Variants in TEC observed in about 807,000 individuals in gnomAD.
TEC encodes tec protein tyrosine kinase, also known as tyrosine-protein kinase Tec.
A neutral mutation model predicts 93.0 loss-of-function variants in TEC; 72 were observed. The ratio of observed to expected loss-of-function variants is 0.77; its 90% CI spans 0.64 to 0.94. The LOEUF (loss-of-function observed/expected upper bound fraction) is 0.94. Among genes scored for constraint, TEC ranks in the 40% least tolerant of loss-of-function variants. The pLI is 0.00. For synonymous variants in TEC, 249 were observed against 247.7 expected, an observed-to-expected ratio of 1.01 and a Z score of -0.05; for missense variants, 630 against 757.9, an observed-to-expected ratio of 0.83 and a Z score of 1.98.
intron 1 of TEC, among the ~76,000 whole-genome samples, chr4:48,267,586 A>C (rs574918930): frequency 2.5e-4 from 38 of 152,310 alleles, no homozygotes; most frequent in South Asian, 8.3e-4. Flanking sequence ...TTATGATCGT[A>C]ATTAGTCCAA....
intron 1 of TEC, among the ~76,000 whole-genome samples, chr4:48,264,548 G>A (rs1022124388): frequency 2.0e-5 from 3 of 152,106 alleles, no homozygotes; most frequent in African/African-American, 7.2e-5. Flanking sequence ...CAGCCCAAGA[G>A]GTAACGACCA....
At chr4:48,245,226 G>A (rs1240925777) in intron 1 of TEC, among the ~76,000 whole-genome samples, 1 of 151,498 alleles carries the variant, frequency 6.6e-6, no homozygotes, top group Non-Finnish European at 1.5e-5. Context: ...CAGGGAGTCG[G>A]AGGTTGCAGT....
At chr4:48,148,094 G>T (rs1719993899) in intron 11 of TEC, among the ~76,000 whole-genome samples, 1 of 152,034 alleles carries the variant, frequency 6.6e-6, no homozygotes, top group South Asian at 2.1e-4. Context: ...TGGTGAAGGG[G>T]GATGGGATGA....
chr4:48,205,330 A>C (rs1049116047), intron 2 of TEC, among the ~76,000 whole-genome samples: 1 of 152,132 alleles, frequency 6.6e-6, no homozygotes, highest in Non-Finnish European at 1.5e-5. Context: ...ATGACAGCTC[A>C]TGAGAGCCCA....
chr4:48,223,731 G>C (rs1462170854), intron 2 of TEC, among the ~76,000 whole-genome samples: 1 of 152,198 alleles, frequency 6.6e-6, no homozygotes, highest in Non-Finnish European at 1.5e-5. Flanking sequence ...CTGGCATCTG[G>C]GAACTTGGAC....
intron 4 of TEC, 25 bp downstream of exon 4, chr4:48,171,343 A>T: frequency 2.5e-6 from 4 of 1,576,428 alleles, no homozygotes; most frequent in Non-Finnish European, 3.5e-6. Flanking sequence ...AATTATATAC[A>T]GAGTAATATT....
At chr4:48,184,176 C>T (rs1232825718) in intron 2 of TEC, among the ~76,000 whole-genome samples, 3 of 152,140 alleles carry the variant, frequency 2.0e-5, no homozygotes, top group Non-Finnish European at 4.4e-5. Flanking sequence ...TACTGTCACC[C>T]CCATTTTGCA....
At chr4:48,248,645 G>T (rs1386053948) in intron 1 of TEC, among the ~76,000 whole-genome samples, 1 of 152,206 alleles carries the variant, frequency 6.6e-6, no homozygotes, top group African/African-American at 2.4e-5. Flanking sequence ...GGGCCTAGGG[G>T]TCAGTTTGTA....
At chr4:48,229,570 G>A (rs1723586721) in intron 1 of TEC, among the ~76,000 whole-genome samples, 1 of 151,468 alleles carries the variant, frequency 6.6e-6, no homozygotes, top group Non-Finnish European at 1.5e-5. Flanking sequence ...TAGGTGAGGA[G>A]TTCAAGAGCA....
Position 48,137,433 on chromosome 4 carries a change from C to A in TEC, c.1879G>T (p.Glu627Ter). Residue 627 changes from glutamate (E) to a stop codon, truncating the protein, a stop_gained, in exon 18 of 18, where the codon GAA (glutamate) becomes TAA (stop). Coordinates refer to ENST00000381501, the MANE Select transcript of TEC (RefSeq NM_003215.3). LOFTEE classifies it high-confidence loss of function. Reference protein sequence around the residue: ...RTIDELVECEETFGR With the variant: ...RTIDELVECE The stretch of plus-strand genomic sequence containing the variant: ...CACATCACTTATCTTCCAAAAGTTT[C>A]TTCACATTCAACTAGTTCATCTATT... 6.2e-7 allele frequency: 1 copy of A among 1,614,114 alleles called. No homozygotes were observed. The highest frequency in any genetic ancestry group is 8.5e-7 in the Non-Finnish European group (1 of 1,179,976).
chr4:48,147,648 A>G (rs980410586), intron 11 of TEC, among the ~76,000 whole-genome samples: 2 of 152,200 alleles, frequency 1.3e-5, no homozygotes, highest in African/African-American at 4.8e-5. Flanking sequence ...TAATCCCCCT[A>G]TATTTGGAGA....
intron 2 of TEC, among the ~76,000 whole-genome samples, chr4:48,204,290 G>A (rs1264775791): frequency 6.6e-6 from 1 of 152,156 alleles, no homozygotes; most frequent in African/African-American, 2.4e-5. Flanking sequence ...TAGGCAGAGG[G>A]GCCTAAGTGA....
At chr4:48,163,650 GA>G in intron 8 of TEC, 51 bp downstream of exon 8, 1 of 1,182,756 alleles carries the variant, frequency 8.5e-7, no homozygotes, top group Non-Finnish European at 1.2e-6. Context: ...ACATAATTAG[GA>G]AAATGAAAAG....
chr4:48,167,891 G>A lies in TEC; in HGVS notation c.558C>T (p.Ala186=), dbSNP rs1720936867. 1 of 1,613,596 alleles carries A rather than the reference G, an allele frequency of 6.2e-7. No homozygotes were observed. The highest frequency in any genetic ancestry group is 1.1e-5 in the South Asian group (1 of 91,066). Residue 186 remains alanine, a synonymous_variant, in exon 7 of 18, where the codon GCC becomes GCT. Transcript: ENST00000381501. ...CTTCTGCTGCTTGGAAATCATACAT[G>A]GCTACAACGATTTCTTCACTATTAT... ...EEDNSEEIVV[A]MYDFQAAEGH...
rs1211914902 is a variant in TEC at position 48,138,813 on chromosome 4, A to G, written c.1664T>C (p.Met555Thr). The G allele has an allele frequency of 6.2e-7, 1 of 1,613,658 alleles. No individual in the cohort carries two copies. Among genetic ancestry groups the G allele is most frequent in the African/African-American group, 1.3e-5 (1 of 74,934 alleles). ...TCTGCCTTCCGTGAATACTTCCCACATTAAAACACCTGGAAAAGGATAAGG... is the reference window on the plus strand; with the variant it reads ...TCTGCCTTCCGTGAATACTTCCCACGTTAAAACACCTGGAAAAGGATAAGG... ...KSDVWSFGVL[M>T]WEVFTEGRMP... The change falls in exon 17 of 18, where the codon ATG becomes ACG. Residue 555 changes from methionine to threonine, a missense_variant. By Grantham distance (81) the Met-to-Thr change is moderately conservative. This residue lies in a region of TEC where 289 missense variants were observed against 390.0 expected (regional missense o/e 0.74). Coordinates refer to ENST00000381501, the MANE Select transcript of TEC (RefSeq NM_003215.3).
At chr4:48,158,878 AGTTCCCTGGAAAGGAT>A (rs956107113) in intron 8 of TEC, among the ~76,000 whole-genome samples, 19 of 152,176 alleles carry the variant, frequency 1.2e-4, no homozygotes, top group African/African-American at 1.9e-4. Context: ...GGTGTTGGCA[AGTTCCCTGGAAAGGAT>A]GTTCCCTGGA....
chr4:48,137,103 C>T lies in TEC; in HGVS notation c.*313G>A. ...CAACTGGCATCAGCTAACATGGTCC[C>T]ATGTGTGCACCCCTGAATGGCCAAA... On this transcript the variant is annotated 3_prime_UTR_variant, in exon 18 of 18. Transcript: ENST00000381501. The T allele has an allele frequency of 7.0e-6, 2 of 286,468 alleles. No homozygotes were observed. Among genetic ancestry groups the T allele is most frequent in the South Asian group, 1.1e-4 (2 of 17,672 alleles). The allele number at this position is 286,468 out of a possible 1,614,324, so 17.7% of individuals were successfully genotyped here. A position where few individuals can be genotyped will look rare whatever the true frequency, so the allele number is the denominator to read the frequency against.
At position 48,149,694 on chromosome 4, in the gene TEC, G is replaced by A. The variant is rs1389395512; in HGVS notation, c.873-4C>T. ...CCTAAAACCCGATGAACCTTCTCTAGAACAAAAATCAAAATGTGTCAGAAC... is the reference window on the plus strand; with the variant it reads ...CCTAAAACCCGATGAACCTTCTCTAAAACAAAAATCAAAATGTGTCAGAAC... On this transcript the variant is annotated splice_region_variant and splice_polypyrimidine_tract_variant and intron_variant, in intron 10 of 17. Transcript: ENST00000381501. The A allele has an allele frequency of 2.5e-6, 4 of 1,592,642 alleles. No homozygotes were observed. The South Asian group carries it at 3.5e-5, about 14-fold the overall frequency.
chr4:48,238,612 C>G (rs984965590), intron 1 of TEC, among the ~76,000 whole-genome samples: 1 of 150,984 alleles, frequency 6.6e-6, no homozygotes, highest in African/African-American at 2.5e-5. Flanking sequence ...AGAGTGCTGC[C>G]CTAGGAATAG....
Sources: gnomAD v4.1 joint callset for allele counts (sites outside exome capture counted in the v4.1 genomes callset) on GRCh38, gnomAD v4.1.1 for gene constraint, gnomAD v4.1.1 regional missense constraint, MANE v1.5 for transcripts, NCBI Gene and HGNC (gene_info 2026-07-23, HGNC 2026-07-21) for gene names.